Variants in NFE2L3 observed in about 807,000 individuals in gnomAD.
The protein encoded by NFE2L3 is nuclear factor erythroid 2-related factor 3.
In NFE2L3, 18 loss-of-function variants were observed where a neutral mutation model predicts 23.5. The observed-to-expected ratio is 0.77, with a 90% CI of 0.53 to 1.13. The LOEUF is 1.13. NFE2L3 is among the 50% of genes most tolerant of loss of function. The pLI, the probability that NFE2L3 is intolerant of heterozygous loss-of-function variation, is 0.00. For missense variants in NFE2L3, 1,152 were observed against 877.2 expected (o/e 1.31, Z -3.96); for synonymous variants, 424 against 354.5 (o/e 1.20, Z -2.20).
intron 1 of NFE2L3, among the ~76,000 whole-genome samples, chr7:26,172,245 A>G (rs1233680876): frequency 4.6e-5 from 7 of 152,258 alleles, no homozygotes; most frequent in Admixed American, 4.6e-4. Context: ...TGATTTTGCT[A>G]TGTAGGCATT....
intron 1 of NFE2L3, among the ~76,000 whole-genome samples, chr7:26,162,843 C>T (rs1784194108): frequency 6.6e-6 from 1 of 151,892 alleles, no homozygotes; most frequent in South Asian, 2.1e-4. Flanking sequence ...CTACTGAGTA[C>T]CTGGGATTAC....
chr7:26,172,334 A>G (rs1583932502), intron 1 of NFE2L3, among the ~76,000 whole-genome samples: 1 of 152,206 alleles, frequency 6.6e-6, no homozygotes, highest in East Asian at 1.9e-4. Context: ...AGATTTACCT[A>G]TTTATGTCTT....
In NFE2L3 at chr7:26,184,804, A is replaced by T; in HGVS notation, c.1106A>T (p.Asp369Val). The T allele has an allele frequency of 6.2e-7, 1 of 1,613,968 alleles. No homozygotes were observed. Among genetic ancestry groups the T allele is most frequent in the South Asian group, 1.1e-5 (1 of 91,074 alleles). ...TTGACAGGATTTCTTTCACCGGTTG[A>T]CAATCATATGAGGAATCTAACAAGC... ...TNLTGFLSPVDNHMRNLTSQD... is the reference protein window; with the variant it reads ...TNLTGFLSPVVNHMRNLTSQD... Residue 369 changes from aspartate to valine, a missense_variant, in exon 4 of 4, where the codon GAC becomes GTC. Transcript: ENST00000056233.
chr7:26,182,652 G>A (rs73281521), intron 2 of NFE2L3, among the ~76,000 whole-genome samples: 4,614 of 151,582 alleles, frequency 0.03, 82 homozygotes, highest in Middle Eastern at 0.054. Flanking sequence ...ACAAAAACTG[G>A]GTTTACTGCT....
At chr7:26,170,120 A>T (rs1784314082) in intron 1 of NFE2L3, among the ~76,000 whole-genome samples, 1 of 152,082 alleles carries the variant, frequency 6.6e-6, no homozygotes, top group Non-Finnish European at 1.5e-5. Flanking sequence ...TTTGGTGATA[A>T]ATTATACGGT....
In NFE2L3 at chr7:26,180,929, C is replaced by A. The variant is rs932243028; in HGVS notation, c.751-2772C>A. ...CATTGTGTTATCTCCATGTTCCTAG[C>A]CTGAGCATTTACGTCACATCTTCGT... On this transcript the variant is annotated intron_variant, in intron 2 of 3. Transcript: ENST00000056233. Among the ~76,000 whole-genome samples, 3 of 152,114 alleles carry A rather than the reference C, an allele frequency of 2.0e-5. No individual in the cohort carries two copies. In the South Asian group the frequency reaches 6.2e-4, roughly 31 times the overall value.
At chr7:26,173,601 A>G (rs1784357097) in intron 1 of NFE2L3, 1 of 152,364 alleles carries the variant, frequency 6.6e-6, no homozygotes, top group African/African-American at 2.4e-5. Context: ...TACCTTGGCA[A>G]AAGATGAGAG....
In NFE2L3 at chr7:26,183,684, T is replaced by G. The variant is rs772213023; in HGVS notation, c.751-17T>G. 5 of 1,547,128 alleles carry G rather than the reference T, an allele frequency of 3.2e-6. No individual in the cohort carries two copies. The African/African-American group carries it at 6.8e-5, about 21-fold the overall frequency. ...AGTCTTTTATGTGAAAGATGCACTT[T>G]TTGTGTTTCTCTACAGAGACATCTG... On this transcript the variant is annotated splice_polypyrimidine_tract_variant and intron_variant, in intron 2 of 3. Transcript: ENST00000056233.
intron 1 of NFE2L3, among the ~76,000 whole-genome samples, chr7:26,172,375 T>C (rs537919222): frequency 6.6e-6 from 1 of 152,380 alleles, no homozygotes; most frequent in South Asian, 2.1e-4. Flanking sequence ...TAACGATGTC[T>C]CTCTGTATAC....
intron 1 of NFE2L3, among the ~76,000 whole-genome samples, chr7:26,155,453 AAATG>A (rs1337866497): frequency 6.6e-6 from 1 of 152,126 alleles, no homozygotes; most frequent in Non-Finnish European, 1.5e-5. Context: ...AAAAGAAAAA[AAATG>A]AAGAAGAAGA....
At chr7:26,175,638 G>T (rs999284767) in intron 1 of NFE2L3, among the ~76,000 whole-genome samples, 3 of 151,842 alleles carry the variant, frequency 2.0e-5, no homozygotes, top group Non-Finnish European at 4.4e-5. Flanking sequence ...AATTAGCCGG[G>T]TGTGGTGCCG....
chr7:26,183,338 A>C (rs1358072709), intron 2 of NFE2L3, among the ~76,000 whole-genome samples: 1 of 152,018 alleles, frequency 6.6e-6, no homozygotes, highest in Admixed American at 6.5e-5. Flanking sequence ...ACTTGCGGTC[A>C]AAAGTTCGAG....
chr7:26,169,477 G>T (rs1784302892), intron 1 of NFE2L3, among the ~76,000 whole-genome samples: 1 of 152,202 alleles, frequency 6.6e-6, no homozygotes, highest in South Asian at 2.1e-4. Flanking sequence ...CACTGGGATG[G>T]GTGTGACCTT....
At chr7:26,169,181 C>G (rs1244916468) in intron 1 of NFE2L3, among the ~76,000 whole-genome samples, 2 of 152,214 alleles carry the variant, frequency 1.3e-5, no homozygotes, top group African/African-American at 4.8e-5. Context: ...CCTTGAGATT[C>G]TCCCTCTCTC....
At chr7:26,161,606 G>T (rs1784175323) in intron 1 of NFE2L3, among the ~76,000 whole-genome samples, 1 of 152,048 alleles carries the variant, frequency 6.6e-6, no homozygotes, top group South Asian at 2.1e-4. Flanking sequence ...TACCTGAATG[G>T]AAGGAGTGTC....
intron 2 of NFE2L3, among the ~76,000 whole-genome samples, chr7:26,180,500 A>G (rs1784488369): frequency 6.6e-6 from 1 of 152,226 alleles, no homozygotes; most frequent in Non-Finnish European, 1.5e-5. Flanking sequence ...GGACTTTTAT[A>G]TTAAAATACT....
At chr7:26,173,348 T>G (rs921052621) in intron 1 of NFE2L3, among the ~76,000 whole-genome samples, 1 of 152,226 alleles carries the variant, frequency 6.6e-6, no homozygotes, top group South Asian at 2.1e-4. Flanking sequence ...TTCCCTGTTA[T>G]TATTTGTGTA....
At position 26,152,989 on chromosome 7, in the gene NFE2L3, C is replaced by T. The variant is rs954801059; in HGVS notation, c.491C>T (p.Pro164Leu). The T allele has an allele frequency of 4.0e-6, 6 of 1,516,426 alleles. No individual in the cohort carries two copies. In the South Asian group the frequency reaches 7.2e-5, roughly 18 times the overall value. 93.9% of individuals were successfully genotyped at this position (1,516,426 alleles called of 1,614,324 possible). The change falls in exon 1 of 4, where the codon CCC (proline) becomes CTC (leucine). Residue 164 changes from proline to leucine, a missense_variant. Physicochemically the swap from Pro to Leu is moderately conservative, Grantham distance 98. Transcript: ENST00000056233. The surrounding 1 kb of genome is among the most constrained non-coding windows in gnomAD (Gnocchi z 4.4). Reference sequence around the variant, plus strand: ...GACCCCCGAGCGGCTCGGAGTGGCCCCTTGGACGCCGGGGAAGAGGAGAAG... The same window carrying T: ...GACCCCCGAGCGGCTCGGAGTGGCCTCTTGGACGCCGGGGAAGAGGAGAAG... ...GGDPRAARSGPLDAGEEEKAP... is the reference protein window; with the variant it reads ...GGDPRAARSGLLDAGEEEKAP...
At chr7:26,184,328 G>A in intron 3 of NFE2L3, 1 of 528,558 alleles carries the variant, frequency 1.9e-6, no homozygotes, top group Non-Finnish European at 3.3e-6. Context: ...TAATTTCTAG[G>A]TTACTCAGAA....
Sources: gnomAD v4.1 joint callset for allele counts (sites outside exome capture counted in the v4.1 genomes callset) on GRCh38, gnomAD v4.1.1 for gene constraint, Gnocchi (gnomAD v3.1) non-coding constraint, MANE v1.5 for transcripts, NCBI Gene and HGNC (gene_info 2026-07-23, HGNC 2026-07-21) for gene names.